Variants in ABTB3 observed in about 807,000 individuals in gnomAD.
ABTB3 encodes ankyrin repeat- and BTB/POZ domain-containing protein 3.
At chr12:107,473,544 G>A in the ABTB3 span, among the ~76,000 whole-genome samples, 1 of 152,228 alleles carries the variant, frequency 6.6e-6, no homozygotes, top group African/African-American at 2.4e-5. Context: ...AATAGAGACG[G>A]GGTTTCACCA....
the ABTB3 span, chr12:107,617,479 T>C: frequency 6.2e-7 from 1 of 1,606,698 alleles, no homozygotes; most frequent in African/African-American, 1.3e-5. Context: ...GAGTGGTGTT[T>C]GTTAAAAATG....
chr12:107,588,647 A>T, the ABTB3 span, among the ~76,000 whole-genome samples: 1 of 152,048 alleles, frequency 6.6e-6, no homozygotes, highest in African/African-American at 2.4e-5. Context: ...CAGCCTCCTG[A>T]GTAGCTGGGA....
At chr12:107,322,178 G>A in the ABTB3 span, among the ~76,000 whole-genome samples, 1 of 152,188 alleles carries the variant, frequency 6.6e-6, no homozygotes, top group Non-Finnish European at 1.5e-5. Flanking sequence ...TTTGGAGGAA[G>A]TATAATTTAA....
chr12:107,419,562 C>G, the ABTB3 span, among the ~76,000 whole-genome samples: 2 of 152,144 alleles, frequency 1.3e-5, no homozygotes, highest in Admixed American at 6.5e-5. Context: ...TCTGAGACAA[C>G]TGTTTGGAGC....
the ABTB3 span, among the ~76,000 whole-genome samples, chr12:107,403,717 A>G: frequency 5.9e-5 from 9 of 152,210 alleles, no homozygotes; most frequent in African/African-American, 2.2e-4. Context: ...AGTCAGGCTT[A>G]GCTGAAAGTC....
chr12:107,438,974 C>G, the ABTB3 span, among the ~76,000 whole-genome samples: 1 of 152,128 alleles, frequency 6.6e-6, no homozygotes, highest in Non-Finnish European at 1.5e-5. Context: ...AGGCAATTAG[C>G]AAATGGTAAT....
chr12:107,598,609 G>A, the ABTB3 span, among the ~76,000 whole-genome samples: 16 of 152,150 alleles, frequency 1.1e-4, no homozygotes, highest in Admixed American at 7.2e-4. Context: ...ATAAATGTTC[G>A]CATGAAATAA....
chr12:107,345,055 A>G, the ABTB3 span, among the ~76,000 whole-genome samples: 1 of 152,136 alleles, frequency 6.6e-6, no homozygotes, highest in African/African-American at 2.4e-5. Flanking sequence ...GGCTTGTGAG[A>G]TATGGAGCTG....
chr12:107,546,392 C>T, the ABTB3 span, among the ~76,000 whole-genome samples: 3,698 of 152,292 alleles, frequency 0.024, 320 homozygotes, highest in East Asian at 0.29. Context: ...CACCATTGGC[C>T]TGGTCACCCC....
At chr12:107,500,285 C>T in the ABTB3 span, among the ~76,000 whole-genome samples, 6 of 152,206 alleles carry the variant, frequency 3.9e-5, no homozygotes, top group Non-Finnish European at 7.3e-5. Flanking sequence ...GGCAAGCACC[C>T]TGCTGCCCTC....
chr12:107,625,643 G>A, the ABTB3 span, among the ~76,000 whole-genome samples: 4 of 152,078 alleles, frequency 2.6e-5, no homozygotes, highest in African/African-American at 7.2e-5. Context: ...CATGACTACT[G>A]GGCAGTAGTA....
chr12:107,452,428 G>A, the ABTB3 span, among the ~76,000 whole-genome samples: 4 of 151,918 alleles, frequency 2.6e-5, no homozygotes, highest in Non-Finnish European at 4.4e-5. Flanking sequence ...GGATGGTCTC[G>A]ATCTCCTGAC....
the ABTB3 span, among the ~76,000 whole-genome samples, chr12:107,600,363 T>A: frequency 5.9e-4 from 90 of 152,258 alleles, no homozygotes; most frequent in Non-Finnish European, 1.0e-3. Context: ...TGTGAAATAC[T>A]TAACAAATGA....
chr12:107,479,329 G>A, the ABTB3 span, among the ~76,000 whole-genome samples: 1 of 151,826 alleles, frequency 6.6e-6, no homozygotes, highest in Non-Finnish European at 1.5e-5. Context: ...CCCTGTTAGG[G>A]CACGAGGGTC....
chr12:107,415,436 T>C, the ABTB3 span, among the ~76,000 whole-genome samples: 1,272 of 151,802 alleles, frequency 8.4e-3, 27 homozygotes, highest in African/African-American at 0.029. Flanking sequence ...GGGCTGGGCG[T>C]GGTGGCTCAC....
At chr12:107,332,165 C>T in the ABTB3 span, among the ~76,000 whole-genome samples, 244 of 152,282 alleles carry the variant, frequency 1.6e-3, no homozygotes, top group African/African-American at 5.5e-3. Flanking sequence ...TGTGATCTCA[C>T]GCTCCTGACC....
the ABTB3 span, among the ~76,000 whole-genome samples, chr12:107,323,302 C>T: frequency 1.3e-5 from 2 of 152,240 alleles, no homozygotes; most frequent in East Asian, 1.9e-4. Context: ...CTTCTTACTG[C>T]CATTTCTGTA....
chr12:107,331,497 C>T, the ABTB3 span, among the ~76,000 whole-genome samples: 1 of 152,280 alleles, frequency 6.6e-6, no homozygotes, highest in South Asian at 2.1e-4. Flanking sequence ...GGGAGCTGCC[C>T]CTTCCTTGGG....
At chr12:107,361,495 C>T in the ABTB3 span, among the ~76,000 whole-genome samples, 1 of 152,160 alleles carries the variant, frequency 6.6e-6, no homozygotes, top group South Asian at 2.1e-4. Flanking sequence ...GAGTAAATTA[C>T]TCTGCAACGT....
Sources: allele counts gnomAD v4.1 joint callset (sites outside exome capture counted in the v4.1 genomes callset), GRCh38; gene constraint gnomAD v4.1.1; transcripts MANE v1.5; gene names NCBI Gene and HGNC (gene_info 2026-07-23, HGNC 2026-07-21).